Variants in ZBTB20 observed in about 807,000 individuals in gnomAD.
ZBTB20 encodes the protein zinc finger and BTB domain containing 20, also known as zinc finger and BTB domain-containing protein 20.
A neutral mutation model predicts 56.9 loss-of-function variants in ZBTB20; 9 were observed. That is an observed-to-expected ratio of 0.16 (90% CI 0.10 to 0.28). The LOEUF is 0.28. Ranked by LOEUF, ZBTB20 falls within the 10% of genes least tolerant of loss-of-function variation. The pLI is 1.00. For missense variants in ZBTB20, 655 were observed against 1,003.0 expected (o/e 0.65, Z 4.69); for synonymous variants, 417 against 420.7 (o/e 0.99, Z 0.11).
intron 5 of ZBTB20, among the ~76,000 whole-genome samples, chr3:114,779,500 T>A (rs1166250614): frequency 6.6e-6 from 1 of 152,188 alleles, no homozygotes; most frequent in Non-Finnish European, 1.5e-5. Context: ...CCAGGATCAG[T>A]GCAGATTGGT....
chr3:114,802,672 T>C (rs1183321646), intron 4 of ZBTB20, among the ~76,000 whole-genome samples: 1 of 151,710 alleles, frequency 6.6e-6, no homozygotes. Flanking sequence ...CTGACAAAAA[T>C]AACTTGTGCT....
At chr3:114,761,056 C>G (rs1381978731) in intron 5 of ZBTB20, among the ~76,000 whole-genome samples, 3 of 152,116 alleles carry the variant, frequency 2.0e-5, no homozygotes, top group Non-Finnish European at 4.4e-5. Flanking sequence ...ATACAGAATT[C>G]TTGGTGTTAT....
intron 6 of ZBTB20, among the ~76,000 whole-genome samples, chr3:114,668,832 T>TA (rs1311470253): frequency 6.6e-6 from 1 of 152,042 alleles, no homozygotes; most frequent in Middle Eastern, 3.2e-3. Context: ...CATAAGTCAT[T>TA]AAAGGAAGCT....
At chr3:114,999,228 AG>A (rs2079150421) in intron 2 of ZBTB20, among the ~76,000 whole-genome samples, 1 of 139,256 alleles carries the variant, frequency 7.2e-6, no homozygotes, top group Non-Finnish European at 1.6e-5. Context: ...AGGAAAGGAA[AG>A]GGGGAGGGAA....
intron 4 of ZBTB20, among the ~76,000 whole-genome samples, chr3:114,819,904 A>G (rs2073142554): frequency 6.6e-6 from 1 of 151,970 alleles, no homozygotes; most frequent in South Asian, 2.1e-4. Context: ...AATGACAAAC[A>G]TGTAAAAAAC....
At chr3:114,464,347 G>C (rs2092454078) in intron 7 of ZBTB20, among the ~76,000 whole-genome samples, 1 of 152,108 alleles carries the variant, frequency 6.6e-6, no homozygotes, top group Admixed American at 6.6e-5. Flanking sequence ...AGAAAAACAT[G>C]ATCTCTTTTA....
At chr3:114,491,513 G>C (rs1256918286) in intron 7 of ZBTB20, among the ~76,000 whole-genome samples, 1 of 152,122 alleles carries the variant, frequency 6.6e-6, no homozygotes, top group Non-Finnish European at 1.5e-5. Flanking sequence ...ATCTACACGT[G>C]GGCTTGCATC....
chr3:114,476,311 G>C (rs1436468274), intron 7 of ZBTB20, among the ~76,000 whole-genome samples: 5 of 152,172 alleles, frequency 3.3e-5, no homozygotes, highest in Non-Finnish European at 7.3e-5. Flanking sequence ...TGTTGAAGCA[G>C]AGTGAGGAAC....
chr3:114,554,466 G>C (rs2050957834), intron 6 of ZBTB20, among the ~76,000 whole-genome samples: 1 of 152,068 alleles, frequency 6.6e-6, no homozygotes. Flanking sequence ...TCTTTGCTCA[G>C]AGCAATACCT....
At chr3:115,083,188 C>T (rs570672928) in intron 1 of ZBTB20, among the ~76,000 whole-genome samples, 1 of 152,150 alleles carries the variant, frequency 6.6e-6, no homozygotes, top group Admixed American at 6.6e-5. Flanking sequence ...ACATATACTC[C>T]ATCAATTTGT....
At chr3:114,489,997 C>T (rs991651501) in intron 7 of ZBTB20, among the ~76,000 whole-genome samples, 2 of 152,166 alleles carry the variant, frequency 1.3e-5, no homozygotes, top group African/African-American at 4.8e-5. Flanking sequence ...CATATCTTCT[C>T]TTGCATTACC....
intron 4 of ZBTB20, among the ~76,000 whole-genome samples, chr3:114,829,319 A>G (rs2073715618): frequency 6.6e-6 from 1 of 151,902 alleles, no homozygotes. Flanking sequence ...TTTTAGTCTC[A>G]GATTTAATTA....
chr3:114,913,365 T>C (rs1043379330), intron 3 of ZBTB20, among the ~76,000 whole-genome samples: 1 of 152,058 alleles, frequency 6.6e-6, no homozygotes, highest in Non-Finnish European at 1.5e-5. Flanking sequence ...TATACCAGTT[T>C]GCGATTTGTA....
At chr3:114,831,237 C>T (rs145945311) in intron 4 of ZBTB20, among the ~76,000 whole-genome samples, 34 of 151,522 alleles carry the variant, frequency 2.2e-4, no homozygotes, top group African/African-American at 5.6e-4. Flanking sequence ...TATTTCTAAG[C>T]GTTTATGCAA....
intron 1 of ZBTB20, among the ~76,000 whole-genome samples, chr3:115,087,993 C>T (rs1176831327): frequency 6.6e-6 from 1 of 151,800 alleles, no homozygotes; most frequent in African/African-American, 2.4e-5. Flanking sequence ...GTTGGGATAC[C>T]ACCTCCCACA....
At chr3:115,077,989 A>T (rs1192612629) in intron 1 of ZBTB20, among the ~76,000 whole-genome samples, 1 of 152,206 alleles carries the variant, frequency 6.6e-6, no homozygotes, top group Non-Finnish European at 1.5e-5. Flanking sequence ...ACAACCCAAT[A>T]GGTACTACTT....
intron 7 of ZBTB20, among the ~76,000 whole-genome samples, chr3:114,434,912 A>G (rs1016512246): frequency 6.6e-6 from 1 of 152,108 alleles, no homozygotes; most frequent in Non-Finnish European, 1.5e-5. Flanking sequence ...ATTCAAAGTG[A>G]GGTGTAGTAG....
In ZBTB20 at chr3:115,123,436, AAAG is replaced by A. The variant is rs373681769; in HGVS notation, c.-703+23780_-703+23782del. ...AAATAGACACAGAGAATAGAAAACA[AAAG>A]AAGTAAGCATTCTAGAAACACAAAA... is the stretch of plus-strand genomic sequence containing the variant. On this transcript the variant is annotated intron_variant, in intron 1 of 11. Transcript: ENST00000675478. 1.7e-3 allele frequency among the ~76,000 whole-genome samples: 259 copies of A among 152,348 alleles called. 2 individuals are homozygous for A. The highest frequency in any genetic ancestry group is 6.1e-3 in the African/African-American group (253 of 41,600).
At chr3:114,801,339 A>G (rs1294643737) in intron 4 of ZBTB20, among the ~76,000 whole-genome samples, 165 bp from the exon 5 acceptor site, 2 of 149,824 alleles carry the variant, frequency 1.3e-5, no homozygotes, top group African/African-American at 4.9e-5. Flanking sequence ...GGAAAAAAAA[A>G]AAAAAGAAAA....
Sources: gnomAD v4.1 joint callset for allele counts (sites outside exome capture counted in the v4.1 genomes callset) on GRCh38, gnomAD v4.1.1 for gene constraint, MANE v1.5 for transcripts, NCBI Gene and HGNC (gene_info 2026-07-23, HGNC 2026-07-21) for gene names.